The following PDE4B variants were observed in gnomAD, a reference collection of about 807,000 sequenced individuals.
The protein encoded by PDE4B is 3',5'-cyclic-AMP phosphodiesterase 4B.
PDE4B carries 20 observed loss-of-function variants against 82.2 expected under a neutral mutation model. The ratio of observed to expected loss-of-function variants is 0.24; its 90% CI spans 0.17 to 0.35. The LOEUF (loss-of-function observed/expected upper bound fraction) is 0.35, where lower values mean the gene tolerates loss of function less well. PDE4B is among the 10% of genes least tolerant of loss of function. The pLI, the probability that PDE4B is intolerant of heterozygous loss-of-function variation, is 1.00. For synonymous variants in PDE4B, 320 were observed against 318.9 expected (o/e 1.00, Z -0.04); for missense variants, 655 against 907.2 (o/e 0.72, Z 3.57).
intron 3 of PDE4B, among the ~76,000 whole-genome samples, chr1:66,183,730 G>T (rs549998335): frequency 6.6e-6 from 1 of 152,112 alleles, no homozygotes; most frequent in Non-Finnish European, 1.5e-5. Flanking sequence ...TAGCAGAGAC[G>T]TGTTGACCAT....
At position 65,935,172 on chromosome 1, in the gene PDE4B, A is replaced by G. The variant is rs541621170; in HGVS notation, c.281+16337A>G. On this transcript the variant is annotated intron_variant, in intron 3 of 16. Transcript: ENST00000341517. ...ATTATACCAAATATCTTTTTGGAGCACAATGGAATGAAACTAGAAATCAGT... is the reference window on the plus strand; with the variant it reads ...ATTATACCAAATATCTTTTTGGAGCGCAATGGAATGAAACTAGAAATCAGT... Among the ~76,000 whole-genome samples the G allele has an allele frequency of 1.6e-3, 249 of 152,324 alleles. 1 individual carries two copies. In the Middle Eastern group the frequency reaches 0.034, roughly 21 times the overall value.
intron 4 of PDE4B, among the ~76,000 whole-genome samples, chr1:66,253,704 T>C (rs1326327506): frequency 6.6e-6 from 1 of 152,248 alleles, no homozygotes; most frequent in Non-Finnish European, 1.5e-5. Flanking sequence ...GTTCCATAAA[T>C]AATCTGGTTG....
chr1:65,963,789 C>T (rs1342735408), intron 3 of PDE4B, among the ~76,000 whole-genome samples: 1 of 152,124 alleles, frequency 6.6e-6, no homozygotes, highest in African/African-American at 2.4e-5. Flanking sequence ...TCATTGCCTT[C>T]CAAAAAGCAG....
At chr1:66,248,298 T>C (rs1653482603) in intron 4 of PDE4B, among the ~76,000 whole-genome samples, 1 of 152,236 alleles carries the variant, frequency 6.6e-6, no homozygotes, top group Non-Finnish European at 1.5e-5. Context: ...ATTTATTAAA[T>C]TTCCAAAACC....
intron 3 of PDE4B, among the ~76,000 whole-genome samples, chr1:66,147,953 C>G (rs1034544425): frequency 6.6e-6 from 1 of 152,132 alleles, no homozygotes; most frequent in African/African-American, 2.4e-5. Context: ...TGGGGCATCA[C>G]TATTTCATCT....
chr1:65,998,512 G>A (rs1651680160), intron 3 of PDE4B, among the ~76,000 whole-genome samples: 1 of 151,882 alleles, frequency 6.6e-6, no homozygotes, highest in Non-Finnish European at 1.5e-5. Flanking sequence ...TGGATTAGAG[G>A]ACAAGGAGCT....
chr1:65,895,241 C>G lies in PDE4B; in HGVS notation c.-70-18004C>G, dbSNP rs17128101. Among the ~76,000 whole-genome samples, 1,512 of 152,074 alleles carry G rather than the reference C, an allele frequency of 9.9e-3. 29 individuals are homozygous for G. Among genetic ancestry groups the G allele is most frequent in the African/African-American group, 0.033 (1,382 of 41,500 alleles). ...GTGAGTTTCAATACCATTTTTACTT[C>G]AGGTATGCTGAGAAAATGATACTTC... On this transcript the variant is annotated intron_variant, in intron 1 of 16. Transcript: ENST00000341517.
At chr1:65,860,753 A>G (rs1646445292) in intron 1 of PDE4B, among the ~76,000 whole-genome samples, 2 of 152,170 alleles carry the variant, frequency 1.3e-5, no homozygotes, top group African/African-American at 4.8e-5. Flanking sequence ...CTGTCATGAG[A>G]TGTTATCTCA....
At chr1:65,955,600 A>C (rs1649217733) in intron 3 of PDE4B, among the ~76,000 whole-genome samples, 1 of 152,146 alleles carries the variant, frequency 6.6e-6, no homozygotes, top group African/African-American at 2.4e-5. Flanking sequence ...TGTCTACTTC[A>C]CATTGAGTTC....
At chr1:66,346,358 G>A (rs1661394811) in intron 8 of PDE4B, among the ~76,000 whole-genome samples, 3 of 152,220 alleles carry the variant, frequency 2.0e-5, no homozygotes, top group South Asian at 4.1e-4. Flanking sequence ...ATAAAAAGTT[G>A]TAAAGTGTCT....
At chr1:65,920,186 G>A (rs895340048) in intron 3 of PDE4B, among the ~76,000 whole-genome samples, 12 of 152,232 alleles carry the variant, frequency 7.9e-5, no homozygotes, top group African/African-American at 2.9e-4. Context: ...CAGGTTGGCA[G>A]TGATACAATT....
At chr1:66,331,071 G>A (rs1278905221) in intron 7 of PDE4B, among the ~76,000 whole-genome samples, 1 of 152,196 alleles carries the variant, frequency 6.6e-6, no homozygotes, top group Non-Finnish European at 1.5e-5. Flanking sequence ...GTGGCCAAGT[G>A]ATTCCAGTTA....
intron 3 of PDE4B, among the ~76,000 whole-genome samples, chr1:66,138,048 A>C (rs1269266338): frequency 6.6e-6 from 1 of 152,214 alleles, no homozygotes; most frequent in African/African-American, 2.4e-5. Context: ...AGCTGACTTA[A>C]ACACAGATAT....
At chr1:66,214,292 A>G (rs1650285413) in intron 3 of PDE4B, among the ~76,000 whole-genome samples, 1 of 152,200 alleles carries the variant, frequency 6.6e-6, no homozygotes, top group African/African-American at 2.4e-5. Context: ...GGAAAGATCA[A>G]AAGTATTCTC....
intron 3 of PDE4B, among the ~76,000 whole-genome samples, chr1:66,086,584 A>G (rs1025743213): frequency 6.6e-6 from 1 of 152,192 alleles, no homozygotes; most frequent in African/African-American, 2.4e-5. Context: ...ATTTCTGTTA[A>G]TAACCACATT....
rs561844516 is a variant in PDE4B, at chr1:65,949,366, C to T, written c.281+30531C>T. On this transcript the variant is annotated intron_variant, in intron 3 of 16. Transcript: ENST00000341517. ...TCATTTGCTACAGCAATTCTGGCAT[C>T]TCTATTTTGTTTACTGTAGGCCTTT... Among the ~76,000 whole-genome samples the T allele has an allele frequency of 2.1e-4, 32 of 152,222 alleles. 1 individual carries two copies. In the South Asian group the frequency reaches 6.6e-3, roughly 32 times the overall value.
In PDE4B at chr1:66,310,497, G is replaced by GA. The variant is rs1453755641; in HGVS notation, c.635-22004dup. Among the ~76,000 whole-genome samples the GA allele has an allele frequency of 2.6e-5, 4 of 152,142 alleles. No homozygotes were observed. The South Asian group carries it at 6.2e-4, about 24-fold the overall frequency. ...ATGCTTTGCACATAATAGTTACTCA[G>GA]AAAAAAAGTATCTTTAAGTGGAATT... On this transcript the variant is annotated intron_variant, in intron 7 of 16. Transcript: ENST00000341517.
chr1:65,804,943 G>A (rs1391511680), intron 1 of PDE4B, among the ~76,000 whole-genome samples: 1 of 127,934 alleles, frequency 7.8e-6, no homozygotes, highest in African/African-American at 2.9e-5. Context: ...CATATTTAAG[G>A]GGCACATCTT....
At chr1:65,983,518 G>A (rs115174612) in intron 3 of PDE4B, among the ~76,000 whole-genome samples, 1,777 of 152,226 alleles carry the variant, frequency 0.012, 35 homozygotes, top group African/African-American at 0.041. Flanking sequence ...GTTAAAATAA[G>A]GTCATTAAGG....
Sources: allele counts gnomAD v4.1 joint callset (sites outside exome capture counted in the v4.1 genomes callset), GRCh38; gene constraint gnomAD v4.1.1; transcripts MANE v1.5; gene names NCBI Gene and HGNC (gene_info 2026-07-23, HGNC 2026-07-21).